Variants in OPCML observed in about 807,000 individuals in gnomAD.
OPCML encodes opioid binding protein/cell adhesion molecule like, also known as opioid-binding protein/cell adhesion molecule.
A neutral mutation model predicts 37.8 loss-of-function variants in OPCML; 13 were observed. The observed-to-expected ratio is 0.34, with a 90% confidence interval of 0.22 to 0.55. The LOEUF (loss-of-function observed/expected upper bound fraction) is 0.55, where lower values mean the gene tolerates loss of function less well. Among genes scored for constraint, OPCML ranks in the 20% least tolerant of loss-of-function variants. OPCML has a pLI of 0.91. For missense variants in OPCML, 341 were observed against 435.6 expected, an observed-to-expected ratio of 0.78 and a Z score of 1.93; for synonymous variants, 176 against 168.8, an observed-to-expected ratio of 1.04 and a Z score of -0.33.
chr11:132,682,201 C>A (rs1942976224), intron 2 of OPCML, among the ~76,000 whole-genome samples: 1 of 152,148 alleles, frequency 6.6e-6, no homozygotes, highest in South Asian at 2.1e-4. Flanking sequence ...AGGTTGAGAG[C>A]TATGGGCTGG....
intron 1 of OPCML, among the ~76,000 whole-genome samples, chr11:133,254,246 A>C (rs1002626376): frequency 1.5e-4 from 23 of 152,292 alleles, no homozygotes; most frequent in African/African-American, 5.5e-4. Context: ...GGGGAAGCAC[A>C]TTTTGGGCAG....
chr11:133,154,879 T>C (rs1950034766), intron 1 of OPCML, among the ~76,000 whole-genome samples: 2 of 152,230 alleles, frequency 1.3e-5, no homozygotes. Context: ...CGGCTCTGCA[T>C]TGCCTTGAAT....
intron 4 of OPCML, among the ~76,000 whole-genome samples, chr11:132,464,557 A>C (rs2096113716): frequency 6.6e-6 from 1 of 152,232 alleles, no homozygotes; most frequent in South Asian, 2.1e-4. Flanking sequence ...TGAATAAATA[A>C]AAGTTTCCAT....
chr11:133,452,504 T>C (rs1946600170), intron 1 of OPCML, among the ~76,000 whole-genome samples: 1 of 151,112 alleles, frequency 6.6e-6, no homozygotes, highest in Non-Finnish European at 1.5e-5. Context: ...GTGGAGAGAG[T>C]ATTACACATT....
intron 1 of OPCML, among the ~76,000 whole-genome samples, chr11:133,183,974 C>T (rs748336954): frequency 3.9e-5 from 6 of 152,210 alleles, no homozygotes; most frequent in South Asian, 2.1e-4. Context: ...CACTTATTTA[C>T]GCAGCACACA....
At chr11:132,507,700 A>T (rs1232560691) in intron 4 of OPCML, among the ~76,000 whole-genome samples, 1 of 151,874 alleles carries the variant, frequency 6.6e-6, no homozygotes, top group South Asian at 2.1e-4. Context: ...ATTTTTAATT[A>T]TATTTTAAAC....
intron 2 of OPCML, among the ~76,000 whole-genome samples, chr11:132,925,642 G>A (rs1944963353): frequency 6.6e-6 from 1 of 152,114 alleles, no homozygotes. Context: ...AAAGATCCTA[G>A]AAGACTCTGA....
At chr11:132,838,688 T>A (rs1363501022) in intron 2 of OPCML, among the ~76,000 whole-genome samples, 1 of 152,232 alleles carries the variant, frequency 6.6e-6, no homozygotes, top group Admixed American at 6.5e-5. Context: ...ATTTTTTTAT[T>A]GTGCAAGGAC....
At chr11:132,560,373 A>G (rs1284632130) in intron 3 of OPCML, among the ~76,000 whole-genome samples, 2 of 152,198 alleles carry the variant, frequency 1.3e-5, no homozygotes, top group South Asian at 2.1e-4. Flanking sequence ...TTTTATTTCA[A>G]TATGTTTTTG....
intron 2 of OPCML, among the ~76,000 whole-genome samples, chr11:132,717,103 T>A (rs1048997449): frequency 3.9e-5 from 6 of 152,072 alleles, no homozygotes; most frequent in Non-Finnish European, 7.4e-5. Context: ...ATAACCACAA[T>A]AGTACTGTAC....
intron 4 of OPCML, among the ~76,000 whole-genome samples, chr11:132,481,111 A>G (rs919768176): frequency 2.6e-5 from 4 of 152,224 alleles, no homozygotes; most frequent in African/African-American, 9.6e-5. Context: ...TGCTCCAATT[A>G]AAAGACACAA....
chr11:132,811,836 G>A (rs939613832), intron 2 of OPCML, among the ~76,000 whole-genome samples: 2 of 152,198 alleles, frequency 1.3e-5, no homozygotes, highest in East Asian at 1.9e-4. Flanking sequence ...ATCCATGGGT[G>A]TGAAGAGCCT....
chr11:132,521,030 C>T (rs1319431470), intron 4 of OPCML, among the ~76,000 whole-genome samples: 1 of 152,078 alleles, frequency 6.6e-6, no homozygotes, highest in African/African-American at 2.4e-5. Flanking sequence ...TCCTATTTCT[C>T]CACAACCATT....
At chr11:132,468,804 G>A (rs1203802321) in intron 4 of OPCML, among the ~76,000 whole-genome samples, 1 of 152,070 alleles carries the variant, frequency 6.6e-6, no homozygotes, top group Non-Finnish European at 1.5e-5. Context: ...ACTAAATTAG[G>A]TCATTTATGG....
chr11:133,522,492 T>C (rs990660369), intron 1 of OPCML, among the ~76,000 whole-genome samples: 4 of 152,230 alleles, frequency 2.6e-5, no homozygotes, highest in African/African-American at 9.6e-5. Flanking sequence ...TTTGTTTGTT[T>C]TTGACCTAGA....
chr11:132,859,473 T>C (rs1266347493), intron 2 of OPCML: 2 of 151,484 alleles, frequency 1.3e-5, no homozygotes, highest in African/African-American at 2.4e-5. Flanking sequence ...GATTAGGTTT[T>C]ATATCGTGAA....
At chr11:133,493,287 C>T (rs1269561424) in intron 1 of OPCML, among the ~76,000 whole-genome samples, 2 of 152,202 alleles carry the variant, frequency 1.3e-5, no homozygotes, top group African/African-American at 4.8e-5. Flanking sequence ...CACCCAGCAC[C>T]CTTTGGGGAG....
intron 1 of OPCML, among the ~76,000 whole-genome samples, chr11:133,375,882 A>C (rs1012941492): frequency 9.9e-5 from 15 of 152,186 alleles, no homozygotes; most frequent in South Asian, 8.3e-4. Context: ...AATGAATTTG[A>C]AAAGTGCCTT....
intron 1 of OPCML, among the ~76,000 whole-genome samples, chr11:133,476,053 C>T (rs542897948): frequency 6.6e-6 from 1 of 152,252 alleles, no homozygotes; most frequent in African/African-American, 2.4e-5. Context: ...AAAATCATGG[C>T]CCAGACAGGG....
Sources: allele counts gnomAD v4.1 joint callset (sites outside exome capture counted in the v4.1 genomes callset), GRCh38; gene constraint gnomAD v4.1.1; transcripts MANE v1.5; gene names NCBI Gene and HGNC (gene_info 2026-07-23, HGNC 2026-07-21).